The following NSD1 variants were observed in gnomAD, a reference collection of about 807,000 sequenced individuals.
NSD1 encodes the protein nuclear receptor binding SET domain protein 1.
NSD1 carries 26 observed loss-of-function variants against 242.7 expected under a neutral mutation model. The observed-to-expected ratio is 0.11, with a 90% CI of 0.08 to 0.15. The LOEUF (loss-of-function observed/expected upper bound fraction) is 0.15. Ranked by LOEUF, NSD1 falls within the 10% of genes least tolerant of loss-of-function variation. The pLI is 1.00. For synonymous variants in NSD1, 1,106 were observed against 1,178.1 expected, an observed-to-expected ratio of 0.94 and a Z score of 1.25; for missense variants, 2,495 against 3,272.8, an observed-to-expected ratio of 0.76 and a Z score of 5.80.
intron 14 of NSD1, chr5:177,265,163 C>A: frequency 1.3e-6 from 1 of 763,754 alleles, no homozygotes. Context: ...TTGCTCCACT[C>A]AGAGAAGCAT....
rs1760211233 is a variant in NSD1, at chr5:177,295,684, GAGAC to G, written c.*234_*237del. 7 of 599,914 alleles carry G rather than the reference GAGAC, an allele frequency of 1.2e-5. No homozygotes were observed. The highest frequency in any genetic ancestry group is 2.8e-5 in the Admixed American group (1 of 35,640). 37.2% of individuals were successfully genotyped at this position (599,914 alleles called of 1,614,324 possible). A position where few individuals can be genotyped will look rare whatever the true frequency, so the allele number is the denominator to read the frequency against. On this transcript the variant is annotated 3_prime_UTR_variant, in exon 23 of 23. Coordinates refer to ENST00000439151, the MANE Select transcript of NSD1 (RefSeq NM_022455.5). The surrounding 1 kb of genome is among the most constrained non-coding windows in gnomAD (Gnocchi z 4.3). Reference sequence around the variant, plus strand: ...GAAAATCCAGTGGGCCCCAACCAAGGAGACAGACAGACTTGGGTCTCTTTCCCCC... The same window carrying G: ...GAAAATCCAGTGGGCCCCAACCAAGGAGACAGACTTGGGTCTCTTTCCCCC...
intron 3 of NSD1, among the ~76,000 whole-genome samples, chr5:177,196,297 C>T (rs185429951): frequency 1.5e-4 from 23 of 152,234 alleles, no homozygotes; most frequent in Admixed American, 9.2e-4. Context: ...TAGCAGGAGC[C>T]GCCATGCTCT....
chr5:177,192,115 C>T, intron 3 of NSD1, 96 bp downstream of exon 3: 3 of 1,139,396 alleles, frequency 2.6e-6, no homozygotes, highest in Admixed American at 2.7e-5. Flanking sequence ...TTCCTTGGAA[C>T]ATTTTGTGAA....
intron 3 of NSD1, among the ~76,000 whole-genome samples, chr5:177,193,861 G>C (rs1761893954): frequency 6.6e-6 from 1 of 151,968 alleles, no homozygotes; most frequent in Non-Finnish European, 1.5e-5. Flanking sequence ...TGCAACCTCT[G>C]CCTCCCGGGT....
At position 177,135,320 on chromosome 5, in the gene NSD1, C is replaced by T. The variant is rs1174328264; in HGVS notation, c.217C>T (p.Arg73Trp). ...TTCTCCATCTTGTTACATTCCACTG[C>T]GGAGACTACAGGATTTGGCCTCCAT... ...QDSPSCYIPL[R>W]RLQDLASMIN... Residue 73 changes from arginine to tryptophan, a missense_variant, in exon 2 of 23, where the codon CGG becomes TGG. Transcript: ENST00000439151. 6.2e-7 allele frequency: 1 copy of T among 1,613,180 alleles called. No individual in the cohort carries two copies. Among genetic ancestry groups the T allele is most frequent in the Non-Finnish European group, 8.5e-7 (1 of 1,179,176 alleles).
At chr5:177,136,255 G>T in intron 2 of NSD1, 1 of 476,804 alleles carries the variant, frequency 2.1e-6, no homozygotes, top group Non-Finnish European at 3.8e-6. Flanking sequence ...TTCATTGAGA[G>T]TAGGCTAATG....
intron 21 of NSD1, among the ~76,000 whole-genome samples, chr5:177,289,532 G>A (rs1311427088): frequency 6.6e-6 from 1 of 152,034 alleles, no homozygotes; most frequent in African/African-American, 2.4e-5. Context: ...CCCTCGTCTT[G>A]ATCTCACATC....
intron 10 of NSD1, among the ~76,000 whole-genome samples, chr5:177,247,207 A>G (rs530594984): frequency 2.9e-4 from 44 of 152,366 alleles, no homozygotes; most frequent in Non-Finnish European, 5.1e-4. Flanking sequence ...AGGCGGGAAG[A>G]TAACTTGAGG....
At position 177,273,688 on chromosome 5, in the gene NSD1, A is replaced by C; in HGVS notation, c.5526A>C (p.Ala1842=). The stretch of plus-strand genomic sequence containing the variant: ...TTTTCATAGCTCTTCAGGAAGCTGC[A>C]GCAAGGTTTGAGGAATTAAAGGCCC... The part of the protein sequence containing the change: ...GTYKKALQEA[A]ARFEELKAQK... The change falls in exon 17 of 23, where the codon GCA becomes GCC. Residue 1842 remains alanine (A), a synonymous_variant. Transcript: ENST00000439151. 4.3e-6 allele frequency: 7 copies of C among 1,613,468 alleles called. No homozygotes were observed. The highest frequency in any genetic ancestry group is 5.9e-6 in the Non-Finnish European group (7 of 1,179,506).
At chr5:177,292,499 G>A (rs528884922) in intron 22 of NSD1, among the ~76,000 whole-genome samples, 7 of 152,304 alleles carry the variant, frequency 4.6e-5, no homozygotes, top group Admixed American at 1.3e-4. Context: ...CATAGATAGA[G>A]GAGCTGGATT....
intron 2 of NSD1, among the ~76,000 whole-genome samples, chr5:177,175,675 A>C (rs956943781): frequency 1.4e-4 from 22 of 152,142 alleles, no homozygotes; most frequent in Admixed American, 2.6e-4. Context: ...TTATTCTTGG[A>C]AAAGCAAATA....
At chr5:177,159,175 T>C (rs1450102007) in intron 2 of NSD1, among the ~76,000 whole-genome samples, 3 of 151,348 alleles carry the variant, frequency 2.0e-5, no homozygotes, top group African/African-American at 7.3e-5. Flanking sequence ...CCCGAGTTGC[T>C]GGGATTACAG....
chr5:177,160,107 T>C (rs1005586214), intron 2 of NSD1, among the ~76,000 whole-genome samples: 2 of 151,708 alleles, frequency 1.3e-5, no homozygotes, highest in African/African-American at 2.4e-5. Flanking sequence ...GCCAGGCTGA[T>C]CTTGAACTAC....
rs986393725 is a variant in NSD1, at chr5:177,296,148, G to C, written c.*689G>C. On this transcript the variant is annotated 3_prime_UTR_variant, in exon 23 of 23. Transcript: ENST00000439151. Reference sequence around the variant, plus strand: ...GTGTGCATGCGCGCACACTCACAGAGGTCTCCTCTATAGATGCAAGGGTGC... The same window carrying C: ...GTGTGCATGCGCGCACACTCACAGACGTCTCCTCTATAGATGCAAGGGTGC... 1.2e-5 allele frequency: 3 copies of C among 244,510 alleles called. No individual in the cohort carries two copies. Among genetic ancestry groups the C allele is most frequent in the African/African-American group, 6.6e-5 (3 of 45,430 alleles). The allele number at this position is 244,510 out of a possible 1,614,324, so 15.1% of individuals were successfully genotyped here.
rs921380341 is a variant in NSD1, at chr5:177,269,016, A to T, written c.5304-586A>T. On this transcript the variant is annotated intron_variant, in intron 15 of 22. Transcript: ENST00000439151. The surrounding 1 kb of genome is among the most constrained non-coding windows in gnomAD (Gnocchi z 5.1). Reference sequence around the variant, plus strand: ...ATATACTTAGGGCCTTCTCTAGGGCATTCTCTGGAGTAAAGTAGGTAGATA... The same window carrying T: ...ATATACTTAGGGCCTTCTCTAGGGCTTTCTCTGGAGTAAAGTAGGTAGATA... Among the ~76,000 whole-genome samples the T allele has an allele frequency of 2.6e-5, 4 of 152,180 alleles. No individual in the cohort carries two copies. The highest frequency in any genetic ancestry group is 6.5e-5 in the Admixed American group (1 of 15,282).
chr5:177,177,879 CA>C, intron 2 of NSD1, among the ~76,000 whole-genome samples: 1 of 152,142 alleles, frequency 6.6e-6, no homozygotes, highest in Non-Finnish European at 1.5e-5. Context: ...TCTGTTAATG[CA>C]AAAAATTGCA....
chr5:177,162,455 G>T (rs1008603924), intron 2 of NSD1, among the ~76,000 whole-genome samples: 30 of 151,964 alleles, frequency 2.0e-4, no homozygotes, highest in African/African-American at 7.0e-4. Context: ...GAGTTCAGTG[G>T]TAGGATCTCG....
chr5:177,184,717 G>A (rs1760960534), intron 2 of NSD1, among the ~76,000 whole-genome samples: 1 of 152,078 alleles, frequency 6.6e-6, no homozygotes, highest in Non-Finnish European at 1.5e-5. Flanking sequence ...GTGGGTGTGT[G>A]TGTGCACGCA....
At chr5:177,265,831 G>T in intron 14 of NSD1, 1 of 1,397,772 alleles carries the variant, frequency 7.2e-7, no homozygotes, top group Non-Finnish European at 1.0e-6. Context: ...CGATGTTGAA[G>T]TAGGCCACCT....
Sources: allele counts gnomAD v4.1 joint callset (sites outside exome capture counted in the v4.1 genomes callset), GRCh38; gene constraint gnomAD v4.1.1; non-coding constraint Gnocchi (gnomAD v3.1); transcripts MANE v1.5; gene names NCBI Gene and HGNC (gene_info 2026-07-23, HGNC 2026-07-21).